Variants in PAK3 observed in about 807,000 individuals in gnomAD.
The protein encoded by PAK3 is serine/threonine-protein kinase PAK 3.
A neutral mutation model predicts 41.0 loss-of-function variants in PAK3; 4 were observed. The ratio of observed to expected loss-of-function variants is 0.10; its 90% CI spans 0.05 to 0.22. PAK3 has a LOEUF of 0.22. Ranked by LOEUF, PAK3 falls within the 10% of genes least tolerant of loss-of-function variation. The probability of loss-of-function intolerance (pLI) is 1.00; values close to 1 mark genes in which losing one functional copy is unlikely to be tolerated. For synonymous variants in PAK3, 146 were observed against 139.6 expected (o/e 1.05, Z -0.32); for missense variants, 205 against 409.9 (o/e 0.50, Z 4.32).
At chrX:111,038,849 T>TA (rs779140629) in intron 1 of PAK3, among the ~76,000 whole-genome samples, 5 of 112,259 alleles carry the variant, frequency 4.5e-5, no homozygotes, top group African/African-American at 1.6e-4. Context: ...ACAAAATAGA[T>TA]AAAAATAAGA....
At chrX:111,099,071 C>T (rs911551485) in intron 3 of PAK3, among the ~76,000 whole-genome samples, 1 of 111,855 alleles carries the variant, frequency 8.9e-6, no homozygotes, top group Non-Finnish European at 1.9e-5. Context: ...AGGTGTGATG[C>T]TTCAGCCTCG....
intron 1 of PAK3, among the ~76,000 whole-genome samples, chrX:111,078,682 C>T (rs768497981): frequency 9.0e-6 from 1 of 111,121 alleles, no homozygotes; most frequent in Admixed American, 9.6e-5. Flanking sequence ...GGAAGAGCCG[C>T]ATGTCTCTCC....
intron 1 of PAK3, among the ~76,000 whole-genome samples, chrX:110,989,289 T>G (rs970142934): frequency 1.3e-4 from 15 of 112,297 alleles, no homozygotes; most frequent in African/African-American, 4.5e-4. Context: ...CCTGACTTTG[T>G]ATTTTCCTGA....
chrX:111,216,697 T>C, intron 17 of PAK3, 139 bp downstream of exon 17: 1 of 555,461 alleles, frequency 1.8e-6, no homozygotes, highest in Non-Finnish European at 3.0e-6. Context: ...CACATAACTA[T>C]AGGCACGCAT....
At chrX:111,160,472 T>TTTTC in intron 8 of PAK3, among the ~76,000 whole-genome samples, 1 of 110,441 alleles carries the variant, frequency 9.1e-6, no homozygotes, top group African/African-American at 3.3e-5. Flanking sequence ...TTTTATTTTT[T>TTTTC]ATTATTATTA....
chrX:110,949,153 G>A (rs185384021), intron 1 of PAK3, among the ~76,000 whole-genome samples: 1 of 111,678 alleles, frequency 9.0e-6, no homozygotes, highest in Non-Finnish European at 1.9e-5. Context: ...AGGGGAGTGA[G>A]GATTGGCTCA....
At chrX:111,048,006 T>C (rs1375143312) in intron 1 of PAK3, among the ~76,000 whole-genome samples, 1 of 111,867 alleles carries the variant, frequency 8.9e-6, no homozygotes, top group African/African-American at 3.3e-5. Context: ...TCTATACTCC[T>C]TGTTTCCACT....
chrX:111,150,130 T>A, intron 7 of PAK3, among the ~76,000 whole-genome samples: 1 of 111,941 alleles, frequency 8.9e-6, no homozygotes, highest in Non-Finnish European at 1.9e-5. Context: ...GTGTCTTTGC[T>A]AAAACATAAC....
chrX:111,198,157 G>T (rs1052522579), intron 16 of PAK3, among the ~76,000 whole-genome samples: 1 of 112,032 alleles, frequency 8.9e-6, no homozygotes. Context: ...CACGTCTTTT[G>T]TCCATTTTTT....
chrX:111,076,615 C>A (rs1479343495), intron 1 of PAK3, among the ~76,000 whole-genome samples: 1 of 111,494 alleles, frequency 9.0e-6, no homozygotes, highest in Non-Finnish European at 1.9e-5. Context: ...TATAAATTAC[C>A]CAGTCTCAGG....
intron 1 of PAK3, among the ~76,000 whole-genome samples, chrX:111,044,587 C>T (rs939334830): frequency 1.8e-5 from 2 of 111,881 alleles, no homozygotes; most frequent in Non-Finnish European, 3.8e-5. Flanking sequence ...CAACAGCAAA[C>T]ACAGGTGCCT....
chrX:111,056,818 T>A (rs1189578249), intron 1 of PAK3, among the ~76,000 whole-genome samples: 1 of 111,930 alleles, frequency 8.9e-6, no homozygotes, highest in Non-Finnish European at 1.9e-5. Flanking sequence ...GTGAAAGCCT[T>A]AGTTTCTGCT....
chrX:111,162,073 T>C (rs1483612185), intron 8 of PAK3, among the ~76,000 whole-genome samples: 1 of 111,627 alleles, frequency 9.0e-6, no homozygotes, highest in Non-Finnish European at 1.9e-5. Flanking sequence ...TTCATAGGTC[T>C]GAATGGAGCT....
chrX:111,003,471 C>G (rs186035485), intron 1 of PAK3, among the ~76,000 whole-genome samples: 4 of 111,711 alleles, frequency 3.6e-5, no homozygotes, highest in Non-Finnish European at 5.6e-5. Context: ...ACCTCTACCA[C>G]TCCTTGGTAA....
intron 5 of PAK3, among the ~76,000 whole-genome samples, chrX:111,124,316 A>C (rs1452593555): frequency 1.8e-5 from 2 of 112,289 alleles, no homozygotes. Flanking sequence ...AATGAACCAC[A>C]TTCCATGCAA....
In PAK3 at chrX:111,163,542, G is replaced by A. The variant is rs754895116; in HGVS notation, c.601-20G>A. ...TCCTTGGCCTGCTGTTTTAATTGCA[G>A]AGCTTTTTGGTTTTTTTAGATCTAT... On this transcript the variant is annotated intron_variant, in intron 9 of 17. Transcript: ENST00000372007. 5 of 1,172,218 alleles carry A rather than the reference G, an allele frequency of 4.3e-6. No homozygotes were observed. Among genetic ancestry groups the A allele is most frequent in the Non-Finnish European group, 5.8e-6 (5 of 860,118 alleles).
At chrX:111,031,813 C>T (rs2092343670) in intron 1 of PAK3, among the ~76,000 whole-genome samples, 1 of 111,799 alleles carries the variant, frequency 8.9e-6, no homozygotes, top group Non-Finnish European at 1.9e-5. Flanking sequence ...TAATATCTAA[C>T]TGAAAGTTAG....
chrX:111,176,387 C>T (rs982837125), intron 11 of PAK3, among the ~76,000 whole-genome samples: 1 of 110,250 alleles, frequency 9.1e-6, no homozygotes, highest in African/African-American at 3.3e-5. Flanking sequence ...CCAATGCATG[C>T]GGGGCTTAAA....
intron 1 of PAK3, among the ~76,000 whole-genome samples, chrX:111,060,907 T>A (rs1014132575): frequency 1.3e-4 from 14 of 111,693 alleles, no homozygotes; most frequent in African/African-American, 4.5e-4. Flanking sequence ...TTAAAAAAAA[T>A]TACATTTTGA....
Sources: gnomAD v4.1 joint callset for allele counts (sites outside exome capture counted in the v4.1 genomes callset) on GRCh38, gnomAD v4.1.1 for gene constraint, MANE v1.5 for transcripts, NCBI Gene and HGNC (gene_info 2026-07-23, HGNC 2026-07-21) for gene names.